ADK: variants seen among roughly 807,000 people sequenced by gnomAD.
ADK encodes adenosine kinase.
Under a neutral mutation model 44.7 loss-of-function variants are expected in ADK, and 24 were observed. The observed-to-expected ratio is 0.54, with a 90% CI of 0.39 to 0.76. The LOEUF (loss-of-function observed/expected upper bound fraction) is 0.76, where lower values mean the gene tolerates loss of function less well. Ranked by LOEUF, ADK falls within the 30% of genes least tolerant of loss-of-function variation. The pLI, the probability that ADK is intolerant of heterozygous loss-of-function variation, is 0.00. For synonymous variants in ADK, 128 were observed against 142.6 expected (o/e 0.90, Z 0.73); for missense variants, 321 against 425.1 (o/e 0.76, Z 2.15).
chr10:74,301,722 A>T (rs1161117948), intron 3 of ADK, among the ~76,000 whole-genome samples: 3 of 152,006 alleles, frequency 2.0e-5, no homozygotes, highest in African/African-American at 7.2e-5. Context: ...ATAGAGCCCA[A>T]ACTATTTACT....
chr10:74,692,276 C>G (rs1482031412), intron 10 of ADK, among the ~76,000 whole-genome samples: 3 of 152,032 alleles, frequency 2.0e-5, no homozygotes, highest in African/African-American at 7.2e-5. Context: ...GCCAGGAGTT[C>G]AAGACCAGCC....
intron 4 of ADK, among the ~76,000 whole-genome samples, chr10:74,377,077 G>T: frequency 6.6e-6 from 1 of 151,854 alleles, no homozygotes; most frequent in South Asian, 2.1e-4. Flanking sequence ...TTGTTTGTCT[G>T]GTTTTCTTTC....
At chr10:74,222,867 G>C (rs1261751712) in intron 2 of ADK, among the ~76,000 whole-genome samples, 3 of 130,064 alleles carry the variant, frequency 2.3e-5, no homozygotes, top group East Asian at 2.8e-4. Flanking sequence ...GTTGTGGGGT[G>C]GGGGGAGGGG....
chr10:74,578,175 G>A (rs962835582), intron 7 of ADK, among the ~76,000 whole-genome samples: 1 of 152,074 alleles, frequency 6.6e-6, no homozygotes, highest in African/African-American at 2.4e-5. Context: ...CTTAACAAGG[G>A]TGCTGATCTC....
intron 7 of ADK, among the ~76,000 whole-genome samples, chr10:74,534,651 T>C (rs1372075073): frequency 1.3e-5 from 2 of 152,252 alleles, no homozygotes; most frequent in African/African-American, 4.8e-5. Context: ...GCTTGGCTCA[T>C]GGAATATATT....
intron 6 of ADK, among the ~76,000 whole-genome samples, chr10:74,488,290 A>G (rs577364586): frequency 5.5e-4 from 83 of 151,884 alleles, no homozygotes; most frequent in African/African-American, 2.0e-3. Context: ...GTGCTTATAT[A>G]GGAAAATCTC....
At position 74,393,908 on chromosome 10, in the gene ADK, A is replaced by G. The variant is rs1054471973; in HGVS notation, c.274-233A>G. ...AAGGTCTGTATGATTTTAGCTGCTG[A>G]GTCCTTAACAACTTTATGTACTTTA... On this transcript the variant is annotated intron_variant, in intron 4 of 10. Coordinates refer to ENST00000539909, the MANE Select transcript of ADK (RefSeq NM_006721.4). Among the ~76,000 whole-genome samples the G allele has an allele frequency of 7.9e-5, 12 of 152,304 alleles. No homozygotes were observed. The South Asian group carries it at 1.7e-3, about 21-fold the overall frequency.
At chr10:74,450,284 C>A (rs537561407) in intron 6 of ADK, among the ~76,000 whole-genome samples, 2 of 152,132 alleles carry the variant, frequency 1.3e-5, no homozygotes, top group Non-Finnish European at 2.9e-5. Flanking sequence ...TGCACTTCAG[C>A]CTGTGTGACA....
intron 3 of ADK, among the ~76,000 whole-genome samples, chr10:74,252,287 A>C (rs1845678987): frequency 6.6e-6 from 1 of 152,216 alleles, no homozygotes; most frequent in Admixed American, 6.5e-5. Flanking sequence ...ACCCATTCCT[A>C]AAGCTATTGT....
intron 3 of ADK, among the ~76,000 whole-genome samples, chr10:74,233,761 TA>T (rs1227519868): frequency 5.9e-5 from 9 of 152,348 alleles, no homozygotes; most frequent in South Asian, 2.1e-4. Flanking sequence ...ACTTCTCTTT[TA>T]GTCTGTTCAG....
chr10:74,578,172 A>G (rs780654015), intron 7 of ADK, among the ~76,000 whole-genome samples: 14 of 152,146 alleles, frequency 9.2e-5, no homozygotes, highest in Non-Finnish European at 1.8e-4. Flanking sequence ...GCACTTAACA[A>G]GGGTGCTGAT....
At chr10:74,384,666 G>A (rs1843083740) in intron 4 of ADK, among the ~76,000 whole-genome samples, 1 of 151,928 alleles carries the variant, frequency 6.6e-6, no homozygotes, top group Non-Finnish European at 1.5e-5. Flanking sequence ...GCAAGACTCC[G>A]TCTCAAAAAA....
chr10:74,201,343 AGTTT>A lies in ADK; in HGVS notation c.140+510_140+513del, dbSNP rs1843372635. 2.6e-5 allele frequency among the ~76,000 whole-genome samples: 4 copies of A among 152,326 alleles called. No individual in the cohort carries two copies. The South Asian group carries it at 8.3e-4, about 32-fold the overall frequency. ...AATGTTTCAACTTAGCTGAGAAATC[AGTTT>A]GTTTATTTACCTAAGTATTTGAGGC... is the stretch of plus-strand genomic sequence containing the variant. On this transcript the variant is annotated intron_variant, in intron 2 of 10. Transcript: ENST00000539909.
chr10:74,336,510 G>A (rs147449053), intron 4 of ADK, among the ~76,000 whole-genome samples: 4 of 152,138 alleles, frequency 2.6e-5, no homozygotes, highest in African/African-American at 9.6e-5. Context: ...AGTTGTAGAC[G>A]TCTGTAATTT....
intron 9 of ADK, among the ~76,000 whole-genome samples, chr10:74,667,446 A>G (rs555781992): frequency 2.0e-3 from 300 of 149,714 alleles, no homozygotes; most frequent in African/African-American, 5.9e-3. Context: ...GTGTGTGTGT[A>G]TATATATATA....
chr10:74,317,409 C>T (rs1592037903), intron 4 of ADK, among the ~76,000 whole-genome samples: 1 of 152,110 alleles, frequency 6.6e-6, no homozygotes, highest in East Asian at 1.9e-4. Context: ...TGTAGAAGCA[C>T]TTAATGTGAG....
At chr10:74,263,537 G>T (rs7919166) in intron 3 of ADK, among the ~76,000 whole-genome samples, 97,929 of 152,020 alleles carry the variant, frequency 0.64, 32,897 homozygotes, top group Middle Eastern at 0.79. Context: ...ATTTGTTGAA[G>T]ATTTGGGTGG....
intron 4 of ADK, among the ~76,000 whole-genome samples, chr10:74,369,537 AT>A (rs554087540): frequency 6.6e-6 from 1 of 152,342 alleles, no homozygotes; most frequent in East Asian, 1.9e-4. Context: ...ATTAAAGAAA[AT>A]TTGTGTGTTT....
chr10:74,653,024 G>C (rs1310642513), intron 9 of ADK, among the ~76,000 whole-genome samples: 1 of 152,164 alleles, frequency 6.6e-6, no homozygotes, highest in Non-Finnish European at 1.5e-5. Context: ...TTGACGGACT[G>C]AATTTTCTTG....
Sources: gnomAD v4.1 joint callset for allele counts (sites outside exome capture counted in the v4.1 genomes callset) on GRCh38, gnomAD v4.1.1 for gene constraint, MANE v1.5 for transcripts, NCBI Gene and HGNC (gene_info 2026-07-23, HGNC 2026-07-21) for gene names.